ELP4: variants seen among roughly 807,000 people sequenced by gnomAD.
The protein encoded by ELP4 is elongator acetyltransferase complex subunit 4, also known as elongator complex protein 4.
ELP4 carries 51 observed loss-of-function variants against 48.9 expected under a neutral mutation model. The observed-to-expected ratio is 1.04, with a 90% CI of 0.83 to 1.32. The LOEUF is 1.32. Ranked by LOEUF, ELP4 falls within the 40% of genes most tolerant of loss-of-function variation. The pLI is 0.00. For synonymous variants in ELP4, 210 were observed against 189.2 expected (o/e 1.11, Z -0.90); for missense variants, 519 against 514.6 (o/e 1.01, Z -0.08).
chr11:31,649,248 T>C (rs1945271065), intron 8 of ELP4: 1 of 151,688 alleles, frequency 6.6e-6, no homozygotes, highest in Non-Finnish European at 1.5e-5. Flanking sequence ...GTAAGATTTG[T>C]CTCTTTGTTC....
chr11:31,510,524 C>T (rs1205294915), intron 1 of ELP4: 7 of 403,902 alleles, frequency 1.7e-5, no homozygotes, highest in Non-Finnish European at 2.6e-5. Context: ...TTTAAGAGAG[C>T]GAATGTTAAA....
intron 3 of ELP4, among the ~76,000 whole-genome samples, chr11:31,557,910 T>A (rs947596182): frequency 3.3e-5 from 5 of 152,134 alleles, no homozygotes; most frequent in Non-Finnish European, 7.4e-5. Flanking sequence ...TATAATGGTA[T>A]TTATTATATT....
intron 5 of ELP4, among the ~76,000 whole-genome samples, chr11:31,607,813 A>T (rs1957902542): frequency 6.6e-6 from 1 of 152,196 alleles, no homozygotes; most frequent in Admixed American, 6.5e-5. Context: ...TTTTCTACTG[A>T]TTAAATTGAA....
At chr11:31,566,376 A>G (rs1446350741) in intron 3 of ELP4, among the ~76,000 whole-genome samples, 1 of 152,072 alleles carries the variant, frequency 6.6e-6, no homozygotes, top group Non-Finnish European at 1.5e-5. Context: ...AAAAAGATTC[A>G]TTCTCTAGCA....
chr11:31,526,296 G>A (rs1956293484), intron 2 of ELP4, among the ~76,000 whole-genome samples: 1 of 152,028 alleles, frequency 6.6e-6, no homozygotes, highest in African/African-American at 2.4e-5. Context: ...TTATGGGGCT[G>A]TTCCACCTTC....
At chr11:31,782,887 A>G (rs1948409521) in intron 9 of ELP4, among the ~76,000 whole-genome samples, 1 of 152,236 alleles carries the variant, frequency 6.6e-6, no homozygotes. Flanking sequence ...TAGAGAAAGT[A>G]TAACCTTGAA....
intron 3 of ELP4, among the ~76,000 whole-genome samples, chr11:31,550,960 T>C (rs890612641): frequency 2.0e-5 from 3 of 152,208 alleles, no homozygotes; most frequent in Admixed American, 1.3e-4. Context: ...TTGATTGTGC[T>C]TTTTCTTCCG....
At chr11:31,697,046 A>C (rs910617472) in intron 9 of ELP4, among the ~76,000 whole-genome samples, 1 of 151,946 alleles carries the variant, frequency 6.6e-6, no homozygotes, top group African/African-American at 2.4e-5. Context: ...AACCAACAAA[A>C]ATCAAAAGAG....
At chr11:31,551,872 A>T (rs148079884) in intron 3 of ELP4, among the ~76,000 whole-genome samples, 1 of 152,186 alleles carries the variant, frequency 6.6e-6, no homozygotes, top group Admixed American at 6.6e-5. Flanking sequence ...TTTTCAAAAC[A>T]TATCATGACC....
chr11:31,610,279 A>G (rs932356321), intron 5 of ELP4, among the ~76,000 whole-genome samples: 2 of 152,220 alleles, frequency 1.3e-5, no homozygotes, highest in African/African-American at 4.8e-5. Flanking sequence ...TAAAAAGATA[A>G]TGTTTGAAAA....
chr11:31,764,489 A>G (rs1948005935), intron 9 of ELP4, among the ~76,000 whole-genome samples: 1 of 152,212 alleles, frequency 6.6e-6, no homozygotes, highest in Non-Finnish European at 1.5e-5. Context: ...ACTCACAATA[A>G]GGCATTGATG....
In ELP4 at chr11:31,712,042, A is replaced by G. The variant is rs1475447799; in HGVS notation, c.1143+61821A>G. Among the ~76,000 whole-genome samples the G allele has an allele frequency of 1.3e-5, 2 of 152,008 alleles. 1 individual carries two copies. Among genetic ancestry groups the G allele is most frequent in the Non-Finnish European group, 2.9e-5 (2 of 67,972 alleles). ...GGTCAGTGAGCTCATGTTGATTCTC[A>G]TATGAATGATGGGCTTGATTTTGCA... is the stretch of plus-strand genomic sequence containing the variant. On this transcript the variant is annotated intron_variant, in intron 9 of 9. Coordinates refer to ENST00000640961, the MANE Select transcript of ELP4 (RefSeq NM_019040.5).
At chr11:31,573,919 C>T (rs1231164807) in intron 3 of ELP4, among the ~76,000 whole-genome samples, 4 of 152,066 alleles carry the variant, frequency 2.6e-5, no homozygotes, top group African/African-American at 9.7e-5. Flanking sequence ...TCTCCAAATA[C>T]CATCTCATTA....
At chr11:31,750,436 A>G (rs1220652571) in intron 9 of ELP4, among the ~76,000 whole-genome samples, 1 of 152,018 alleles carries the variant, frequency 6.6e-6, no homozygotes, top group African/African-American at 2.4e-5. Context: ...CATTCACAGT[A>G]AAAACCATCT....
At chr11:31,698,875 T>C (rs949702136) in intron 9 of ELP4, among the ~76,000 whole-genome samples, 4 of 152,130 alleles carry the variant, frequency 2.6e-5, no homozygotes, top group African/African-American at 4.8e-5. Flanking sequence ...AAAATACATA[T>C]TACCATGGAG....
Position 31,789,912 on chromosome 11 carries a change from C to CTTTTT in ELP4, c.*6407_*6411dup, listed in dbSNP as rs759391101. On this transcript the variant is annotated 3_prime_UTR_variant, in exon 10 of 10. Transcript: ENST00000640961. ...CTGAATTAACACAATATTTCCTTTCCTTTTTTTTTTTTTTTTTTTTTTTAC... is the reference window on the plus strand; with the variant it reads ...CTGAATTAACACAATATTTCCTTTCCTTTTTTTTTTTTTTTTTTTTTTTTTTTTAC... 1.4e-3 allele frequency: 1,497 copies of CTTTTT among 1,043,810 alleles called. 6 individuals carry two copies. Among genetic ancestry groups the CTTTTT allele is most frequent in the East Asian group, 4.6e-3 (177 of 38,652 alleles). The allele number at this position is 1,043,810 out of a possible 1,614,324, so 64.7% of individuals were successfully genotyped here.
At chr11:31,549,422 C>T (rs541297638) in intron 3 of ELP4, among the ~76,000 whole-genome samples, 1 of 152,300 alleles carries the variant, frequency 6.6e-6, no homozygotes, top group South Asian at 2.1e-4. Context: ...AAATGCATAT[C>T]AAAACCACAA....
intron 9 of ELP4, among the ~76,000 whole-genome samples, chr11:31,678,817 T>C (rs1592216301): frequency 6.6e-6 from 1 of 152,308 alleles, no homozygotes; most frequent in East Asian, 1.9e-4. Context: ...TATTTCATTT[T>C]GCAAGAAACT....
intron 5 of ELP4, among the ~76,000 whole-genome samples, chr11:31,611,973 G>A (rs1252833975): frequency 6.6e-6 from 1 of 152,112 alleles, no homozygotes; most frequent in Admixed American, 6.6e-5. Context: ...ATGGGCACTG[G>A]GCCAAGAAGT....
Sources: allele counts gnomAD v4.1 joint callset (sites outside exome capture counted in the v4.1 genomes callset), GRCh38; gene constraint gnomAD v4.1.1; transcripts MANE v1.5; gene names NCBI Gene and HGNC (gene_info 2026-07-23, HGNC 2026-07-21).